SMIM13: variants seen among roughly 807,000 people sequenced by gnomAD.
The protein encoded by SMIM13 is UPF0766 protein C6orf228.
Under a neutral mutation model 5.9 loss-of-function variants are expected in SMIM13, and 3 were observed. The ratio of observed to expected loss-of-function variants is 0.51; its 90% CI spans 0.23 to 1.31. The LOEUF is 1.31. SMIM13 is among the 40% of genes most tolerant of loss of function. The pLI, the probability that SMIM13 is intolerant of heterozygous loss-of-function variation, is 0.18. For synonymous variants in SMIM13, 55 were observed against 46.0 expected (o/e 1.19, Z -0.79); for missense variants, 85 against 109.9 (o/e 0.77, Z 1.01).
In SMIM13 at chr6:11,104,911, C is replaced by T; in HGVS notation, c.76+10522C>T. ...CTTGGAAGAGTGCCTACATTTGTTC[C>T]ATTTTTCCTTTTGGCCATAACACAA... On this transcript the variant is annotated intron_variant, in intron 1 of 1. Transcript: ENST00000416247. 6.2e-7 allele frequency: 1 copy of T among 1,614,166 alleles called. No individual in the cohort carries two copies. Among genetic ancestry groups the T allele is most frequent in the Non-Finnish European group, 8.5e-7 (1 of 1,180,040 alleles).
rs1396587123 is a variant in SMIM13 at position 11,137,948 on chromosome 6, C to A, written c.*3346C>A. The stretch of plus-strand genomic sequence containing the variant: ...TAAAACCCATTTTAATTTTATTTTG[C>A]TGAAGGTTTGGAATATATAAAGTAA... On this transcript the variant is annotated 3_prime_UTR_variant, in exon 2 of 2. Coordinates refer to ENST00000416247, the MANE Select transcript of SMIM13 (RefSeq NM_001135575.2). 1 of 152,032 alleles carries A rather than the reference C, an allele frequency of 6.6e-6. No individual in the cohort carries two copies. Among genetic ancestry groups the A allele is most frequent in the Non-Finnish European group, 1.5e-5 (1 of 68,010 alleles). 9.4% of individuals were successfully genotyped at this position (152,032 alleles called of 1,614,324 possible).
At chr6:11,121,047 A>G (rs930086277) in intron 1 of SMIM13, among the ~76,000 whole-genome samples, 2 of 152,224 alleles carry the variant, frequency 1.3e-5, no homozygotes, top group Non-Finnish European at 2.9e-5. Flanking sequence ...ACAAATGCTT[A>G]GTTATTGGCA....
chr6:11,094,689 A>G (rs1347021785), intron 1 of SMIM13, among the ~76,000 whole-genome samples: 2 of 152,204 alleles, frequency 1.3e-5, no homozygotes, highest in African/African-American at 4.8e-5. Context: ...CAGGCTGCCC[A>G]GATTGTAACC....
chr6:11,113,027 C>T (rs1051735711), intron 1 of SMIM13, among the ~76,000 whole-genome samples: 4 of 152,066 alleles, frequency 2.6e-5, no homozygotes, highest in Non-Finnish European at 5.9e-5. Context: ...GACGGGGTTT[C>T]ACCATGTTGG....
intron 1 of SMIM13, chr6:11,103,874 C>T: frequency 6.4e-7 from 1 of 1,551,658 alleles, no homozygotes; most frequent in Middle Eastern, 1.7e-4. Flanking sequence ...CCCAAGAGAA[C>T]CATTTCCAAG....
rs140762151 is a variant in SMIM13 at position 11,121,596 on chromosome 6, C to T, written c.77-12807C>T. ...CTCCCAACACACACACCTGCATACACACCCCTCTGCTGTTATTTGGTGCTC... is the reference window on the plus strand; with the variant it reads ...CTCCCAACACACACACCTGCATACATACCCCTCTGCTGTTATTTGGTGCTC... On this transcript the variant is annotated intron_variant, in intron 1 of 1. Transcript: ENST00000416247. Among the ~76,000 whole-genome samples, 208 of 152,330 alleles carry T rather than the reference C, an allele frequency of 1.4e-3. 2 individuals are homozygous for T. The Middle Eastern group carries it at 0.02, about 15-fold the overall frequency.
At chr6:11,095,904 T>C (rs567022297) in intron 1 of SMIM13, among the ~76,000 whole-genome samples, 8 of 152,296 alleles carry the variant, frequency 5.3e-5, no homozygotes, top group Non-Finnish European at 1.2e-4. Context: ...TATTACCCTT[T>C]CTAGTTTGAA....
Position 11,135,247 on chromosome 6 carries a change from C to G in SMIM13, c.*645C>G, listed in dbSNP as rs952451374. The G allele has an allele frequency of 6.6e-6, 1 of 152,540 alleles. No individual in the cohort carries two copies. The highest frequency in any genetic ancestry group is 1.5e-5 in the Non-Finnish European group (1 of 68,014). 9.4% of individuals were successfully genotyped at this position (152,540 alleles called of 1,614,324 possible). On this transcript the variant is annotated 3_prime_UTR_variant, in exon 2 of 2. Transcript: ENST00000416247. ...AAATATTCGTCGCTGGAGAAATGAT[C>G]GCAATTCCATATTTTCCTGCAAAGC...
chr6:11,105,532 G>C lies in SMIM13; in HGVS notation c.76+11143G>C. 9.9e-6 allele frequency: 5 copies of C among 504,966 alleles called. No homozygotes were observed. The South Asian group carries it at 1.4e-4, about 14-fold the overall frequency. The allele number at this position is 504,966 out of a possible 1,614,324, so 31.3% of individuals were successfully genotyped here. A position where few individuals can be genotyped will look rare whatever the true frequency, so the allele number is the denominator to read the frequency against. On this transcript the variant is annotated intron_variant, in intron 1 of 1. Transcript: ENST00000416247. ...TCCAGTGCCTTGCAAGTGTATTCCG[G>C]AGCTGAGGTTGCTGGTTCTGGCTCT... is the stretch of plus-strand genomic sequence containing the variant.
At chr6:11,133,066 A>C (rs544186238) in intron 1 of SMIM13, among the ~76,000 whole-genome samples, 20 of 152,254 alleles carry the variant, frequency 1.3e-4, no homozygotes, top group African/African-American at 4.8e-4. Context: ...CTTCTCATTC[A>C]TTCCTCACTA....
Position 11,113,829 on chromosome 6 carries a change from G to A in SMIM13, c.76+19440G>A, listed in dbSNP as rs112258395. On this transcript the variant is annotated intron_variant, in intron 1 of 1. Coordinates refer to ENST00000416247, the MANE Select transcript of SMIM13 (RefSeq NM_001135575.2). Reference sequence around the variant, plus strand: ...TGATCTCAGGTGGTCCACCCATCTCGGCCTCCCAAAGTGCTGGGATTACAG... The same window carrying A: ...TGATCTCAGGTGGTCCACCCATCTCAGCCTCCCAAAGTGCTGGGATTACAG... 5.9e-5 allele frequency among the ~76,000 whole-genome samples: 9 copies of A among 152,020 alleles called. 1 individual carries two copies. Among genetic ancestry groups the A allele is most frequent in the South Asian group, 2.1e-4 (1 of 4,812 alleles).
chr6:11,103,745 C>A (rs750832373), intron 1 of SMIM13: 3 of 1,551,608 alleles, frequency 1.9e-6, no homozygotes, highest in Non-Finnish European at 2.6e-6. Context: ...CACTGAGATT[C>A]GTCTGGAGCT....
At chr6:11,107,061 A>G (rs1758096275) in intron 1 of SMIM13, among the ~76,000 whole-genome samples, 1 of 152,216 alleles carries the variant, frequency 6.6e-6, no homozygotes, top group African/African-American at 2.4e-5. Context: ...TTGAAGGGAC[A>G]TTGTACCATA....
chr6:11,094,421 C>T, intron 1 of SMIM13, 32 bp downstream of exon 1: 1 of 1,511,540 alleles, frequency 6.6e-7, no homozygotes, highest in East Asian at 2.5e-5. Context: ...GAGGCAGTTC[C>T]ACACGCCGGG....
At chr6:11,123,685 G>T (rs1009560572) in intron 1 of SMIM13, among the ~76,000 whole-genome samples, 4 of 152,018 alleles carry the variant, frequency 2.6e-5, no homozygotes, top group Non-Finnish European at 4.4e-5. Context: ...TATTTTTATT[G>T]TTACATAATA....
At chr6:11,108,071 A>T (rs539975390) in intron 1 of SMIM13, among the ~76,000 whole-genome samples, 1 of 152,296 alleles carries the variant, frequency 6.6e-6, no homozygotes, top group Non-Finnish European at 1.5e-5. Flanking sequence ...CCTGGAGGAA[A>T]GGTTAACTGA....
chr6:11,109,947 C>T (rs560819890), intron 1 of SMIM13, among the ~76,000 whole-genome samples: 4 of 152,236 alleles, frequency 2.6e-5, no homozygotes, highest in African/African-American at 7.2e-5. Context: ...GGGCATTACC[C>T]CATTCATCCA....
chr6:11,114,221 C>T (rs1017244241), intron 1 of SMIM13, among the ~76,000 whole-genome samples: 1 of 152,084 alleles, frequency 6.6e-6, no homozygotes, highest in African/African-American at 2.4e-5. Flanking sequence ...CTCAAGTGAT[C>T]TACCTGCCTC....
chr6:11,107,109 C>T (rs777207905), intron 1 of SMIM13, among the ~76,000 whole-genome samples: 4 of 152,134 alleles, frequency 2.6e-5, no homozygotes, highest in African/African-American at 7.2e-5. Flanking sequence ...AAAGCTATTC[C>T]CACCTGAAAA....
Sources: allele counts gnomAD v4.1 joint callset (sites outside exome capture counted in the v4.1 genomes callset), GRCh38; gene constraint gnomAD v4.1.1; transcripts MANE v1.5; gene names NCBI Gene and HGNC (gene_info 2026-07-23, HGNC 2026-07-21).